Variants in TANC1 observed in about 807,000 individuals in gnomAD.
TANC1 encodes the protein tetratricopeptide repeat, ankyrin repeat and coiled-coil containing 1.
TANC1 carries 77 observed loss-of-function variants against 149.7 expected under a neutral mutation model. That is an observed-to-expected ratio of 0.51 (90% CI 0.43 to 0.62). The LOEUF (loss-of-function observed/expected upper bound fraction) is 0.62. Among genes scored for constraint, TANC1 ranks in the 20% least tolerant of loss-of-function variants. TANC1 has a pLI of 0.00. For missense variants in TANC1, 1,985 were observed against 2,321.8 expected (o/e 0.85, Z 2.98); for synonymous variants, 854 against 925.0 (o/e 0.92, Z 1.39).
At chr2:159,220,698 C>T (rs1053795625) in intron 22 of TANC1, among the ~76,000 whole-genome samples, 7 of 152,032 alleles carry the variant, frequency 4.6e-5, no homozygotes, top group Admixed American at 3.3e-4. Context: ...TCAAGAGGTC[C>T]TCCCACCTCA....
chr2:158,972,758 A>G (rs1349021859), intron 1 of TANC1, among the ~76,000 whole-genome samples: 2 of 152,214 alleles, frequency 1.3e-5, no homozygotes, highest in Non-Finnish European at 1.5e-5. Flanking sequence ...GAGGTGTAGT[A>G]TATCTGAAAT....
In TANC1 at chr2:158,978,203, G is replaced by A. The variant is rs1191701208; in HGVS notation, c.-126+9421G>A. Among the ~76,000 whole-genome samples the A allele has an allele frequency of 3.3e-5, 5 of 152,198 alleles. No individual in the cohort carries two copies. The South Asian group carries it at 6.2e-4, about 19-fold the overall frequency. On this transcript the variant is annotated intron_variant, in intron 1 of 26. Coordinates refer to ENST00000263635, the MANE Select transcript of TANC1 (RefSeq NM_033394.3). ...TTCTCCTTTGGGAGAAAGGGAGACA[G>A]AGAATCCACAGTTGTTAAACATCAC...
rs561307017 is a variant in TANC1, at chr2:159,060,871, A to T, written c.-15-5025A>T. 5.3e-5 allele frequency among the ~76,000 whole-genome samples: 8 copies of T among 152,314 alleles called. No homozygotes were observed. The East Asian group carries it at 1.5e-3, about 29-fold the overall frequency. ...GAAATAGATTTTGTCTTGTTTTGGA[A>T]TCATCTTACTATTTTGTCTAGGGTG... is the stretch of plus-strand genomic sequence containing the variant. On this transcript the variant is annotated intron_variant, in intron 2 of 26. Transcript: ENST00000263635.
intron 3 of TANC1, among the ~76,000 whole-genome samples, chr2:159,077,064 C>A (rs984725995): frequency 1.3e-5 from 2 of 150,802 alleles, no homozygotes. Context: ...TTGATCTAGA[C>A]TGAATCACTG....
chr2:159,077,321 A>C (rs1032368876), intron 3 of TANC1, among the ~76,000 whole-genome samples: 12 of 152,212 alleles, frequency 7.9e-5, no homozygotes, highest in African/African-American at 2.9e-4. Flanking sequence ...TTCTAAAATC[A>C]CTTGTTTTTG....
intron 2 of TANC1, among the ~76,000 whole-genome samples, chr2:159,009,710 G>A (rs2037573264): frequency 6.6e-6 from 1 of 152,066 alleles, no homozygotes; most frequent in Admixed American, 6.6e-5. Flanking sequence ...TAATTAACTG[G>A]AATTCATTGT....
chr2:159,020,796 C>G (rs924226133), intron 2 of TANC1, among the ~76,000 whole-genome samples: 4 of 151,956 alleles, frequency 2.6e-5, no homozygotes, highest in Admixed American at 2.0e-4. Flanking sequence ...AGCCAGAACC[C>G]TCTGGACACA....
At position 159,178,549 on chromosome 2, in the gene TANC1, C is replaced by T. The variant is rs1422241590; in HGVS notation, c.1903-7C>T. On this transcript the variant is annotated splice_polypyrimidine_tract_variant and splice_region_variant and intron_variant, in intron 13 of 26. Transcript: ENST00000263635. ...GTGACACTGTGGGTTTTTGTTTTCT[C>T]CCCCAGGAAATCATAAGTGCGCTGC... is the stretch of plus-strand genomic sequence containing the variant. The T allele has an allele frequency of 2.6e-6, 4 of 1,544,650 alleles. No individual in the cohort carries two copies. Among genetic ancestry groups the T allele is most frequent in the East Asian group, 2.3e-5 (1 of 44,298 alleles).
chr2:159,185,236 C>A (rs2056864225), intron 14 of TANC1, among the ~76,000 whole-genome samples: 1 of 152,184 alleles, frequency 6.6e-6, no homozygotes, highest in African/African-American at 2.4e-5. Flanking sequence ...ACATGGAGGG[C>A]AAATGGGCAG....
intron 17 of TANC1, 101 bp downstream of exon 17, chr2:159,194,594 C>T (rs1242798969): frequency 9.9e-7 from 1 of 1,009,030 alleles, no homozygotes. Context: ...TCTCTGAAAC[C>T]ACAGCATACA....
At chr2:159,049,288 G>A (rs7587704) in intron 2 of TANC1, among the ~76,000 whole-genome samples, 2 of 152,286 alleles carry the variant, frequency 1.3e-5, no homozygotes, top group East Asian at 3.9e-4. Flanking sequence ...TTGACAGACT[G>A]TGACTCACAG....
chr2:159,064,554 G>C (rs1251011666), intron 2 of TANC1, among the ~76,000 whole-genome samples: 1 of 152,196 alleles, frequency 6.6e-6, no homozygotes, highest in Non-Finnish European at 1.5e-5. Context: ...CTGCAGATTT[G>C]GATTCTGGCC....
intron 3 of TANC1, among the ~76,000 whole-genome samples, chr2:159,088,299 T>C (rs959608540): frequency 6.6e-6 from 1 of 152,146 alleles, no homozygotes; most frequent in Non-Finnish European, 1.5e-5. Flanking sequence ...TTTAGAAAAA[T>C]TACTTTATCT....
chr2:159,117,809 A>C (rs2048439473), intron 4 of TANC1, among the ~76,000 whole-genome samples: 1 of 139,436 alleles, frequency 7.2e-6, no homozygotes, highest in Admixed American at 7.6e-5. Flanking sequence ...CAGGTCTTAG[A>C]CTCTTCTTGG....
At chr2:159,180,322 A>G (rs945203186) in intron 14 of TANC1, among the ~76,000 whole-genome samples, 1 of 152,234 alleles carries the variant, frequency 6.6e-6, no homozygotes, top group African/African-American at 2.4e-5. Flanking sequence ...TTCTAGGGAA[A>G]TTCCAGTCAT....
intron 1 of TANC1, among the ~76,000 whole-genome samples, chr2:158,992,357 CCT>C (rs923534406): frequency 6.8e-6 from 1 of 146,350 alleles, no homozygotes; most frequent in African/African-American, 2.5e-5. Flanking sequence ...AGACTGATAC[CCT>C]GTCTCAAAAA....
In TANC1 at chr2:159,021,882, G is replaced by A. The variant is rs750688706; in HGVS notation, c.-16+20693G>A. On this transcript the variant is annotated intron_variant, in intron 2 of 26. Transcript: ENST00000263635. ...TAGAGTCTGCTATATAGGTCGTAAG[G>A]CCAAGTTTGAGGAAGAATGGAGAAA... 3.3e-4 allele frequency among the ~76,000 whole-genome samples: 50 copies of A among 152,130 alleles called. 1 individual carries two copies. Among genetic ancestry groups the A allele is most frequent in the Admixed American group, 5.9e-4 (9 of 15,268 alleles).
At chr2:159,073,733 A>G (rs1362697025) in intron 3 of TANC1, among the ~76,000 whole-genome samples, 1 of 152,204 alleles carries the variant, frequency 6.6e-6, no homozygotes, top group Non-Finnish European at 1.5e-5. Context: ...TTCCCATAAA[A>G]AGTTTCATCT....
chr2:159,065,318 C>A (rs951845495), intron 2 of TANC1, among the ~76,000 whole-genome samples: 2 of 152,222 alleles, frequency 1.3e-5, no homozygotes, highest in African/African-American at 4.8e-5. Flanking sequence ...ATTGTAAAAA[C>A]CCACTGTGGT....
Sources: gnomAD v4.1 joint callset for allele counts (sites outside exome capture counted in the v4.1 genomes callset) on GRCh38, gnomAD v4.1.1 for gene constraint, MANE v1.5 for transcripts, NCBI Gene and HGNC (gene_info 2026-07-23, HGNC 2026-07-21) for gene names.